The following NAV2 variants were observed in gnomAD, a reference collection of about 807,000 sequenced individuals.
The protein encoded by NAV2 is helicase, APC down-regulated 1.
Under a neutral mutation model 223.2 loss-of-function variants are expected in NAV2, and 54 were observed. The observed-to-expected ratio is 0.24, with a 90% CI of 0.19 to 0.30. The LOEUF (loss-of-function observed/expected upper bound fraction) is 0.30. Among genes scored for constraint, NAV2 ranks in the 10% least tolerant of loss-of-function variants. The pLI, the probability that NAV2 is intolerant of heterozygous loss-of-function variation, is 1.00. For synonymous variants in NAV2, 1,279 were observed against 1,239.3 expected (o/e 1.03, Z -0.67); for missense variants, 2,806 against 3,147.5 (o/e 0.89, Z 2.60).
At chr11:19,833,017 T>C (rs1321366856) in intron 2 of NAV2, among the ~76,000 whole-genome samples, 2 of 152,174 alleles carry the variant, frequency 1.3e-5, no homozygotes, top group African/African-American at 4.8e-5. Flanking sequence ...CAACTCTACT[T>C]GGGTCTGACA....
intron 1 of NAV2, among the ~76,000 whole-genome samples, chr11:19,566,203 TG>T (rs535135699): frequency 1.3e-5 from 2 of 152,160 alleles, no homozygotes; most frequent in South Asian, 4.2e-4. Context: ...TCTGAGTAGC[TG>T]GGACTACAGG....
At chr11:19,994,462 G>A (rs754046482) in intron 11 of NAV2, among the ~76,000 whole-genome samples, 8 of 151,818 alleles carry the variant, frequency 5.3e-5, no homozygotes, top group African/African-American at 7.3e-5. Context: ...CAGGAGAATC[G>A]CTTGAACCGG....
In NAV2 at chr11:20,055,808, C is replaced by T. The variant is rs766409324; in HGVS notation, c.4682C>T (p.Pro1561Leu). ...GTCACCCAGATGAGCTTGTCCAACC[C>T]GACCATGCTGAGGACTCACAGCCTC... ...TTVTQMSLSN[P>L]TMLRTHSLSN... The change falls in exon 19 of 38, where the codon CCG (proline) becomes CTG (leucine). Residue 1561 changes from proline to leucine, a missense_variant. By Grantham distance (98) the Pro-to-Leu change is moderately conservative. Transcript: ENST00000349880. 165 of 1,614,134 alleles carry T rather than the reference C, an allele frequency of 1.0e-4. No homozygotes were observed. The Middle Eastern group carries it at 1.5e-3, about 15-fold the overall frequency.
chr11:19,962,947 T>G lies in NAV2; in HGVS notation c.2645+13867T>G, dbSNP rs2048455943. Among the ~76,000 whole-genome samples the G allele has an allele frequency of 2.6e-5, 4 of 152,302 alleles. 1 individual carries two copies. In the South Asian group the frequency reaches 8.3e-4, roughly 32 times the overall value. Reference sequence around the variant, plus strand: ...GAGCTTTGTGCTTGTAATCATCCAGTCATCTGTTTCGAAATTAGAAAGCTC... The same window carrying G: ...GAGCTTTGTGCTTGTAATCATCCAGGCATCTGTTTCGAAATTAGAAAGCTC... On this transcript the variant is annotated intron_variant, in intron 10 of 37. Coordinates refer to ENST00000349880, the MANE Select transcript of NAV2 (RefSeq NM_145117.5).
intron 1 of NAV2, among the ~76,000 whole-genome samples, chr11:19,492,868 T>C (rs1173838196): frequency 6.6e-6 from 1 of 152,040 alleles, no homozygotes; most frequent in East Asian, 1.9e-4. Flanking sequence ...GGAGGAGAGG[T>C]TAGATGTGAC....
intron 1 of NAV2, among the ~76,000 whole-genome samples, chr11:19,816,024 C>T (rs1291480752): frequency 6.6e-6 from 1 of 152,072 alleles, no homozygotes; most frequent in Non-Finnish European, 1.5e-5. Context: ...GAGGAGACAC[C>T]CCTTCTTTCC....
chr11:19,771,595 C>T (rs183817896), intron 1 of NAV2, among the ~76,000 whole-genome samples: 4 of 151,840 alleles, frequency 2.6e-5, no homozygotes, highest in Non-Finnish European at 4.4e-5. Flanking sequence ...TCTGACCCCC[C>T]CCATTAGAAG....
intron 1 of NAV2, among the ~76,000 whole-genome samples, chr11:19,548,166 G>C (rs1158474464): frequency 2.0e-5 from 3 of 152,128 alleles, no homozygotes; most frequent in Non-Finnish European, 1.5e-5. Context: ...TCGGTAATGG[G>C]TATCTCCAAA....
At chr11:19,693,377 C>G (rs1214481198) in intron 1 of NAV2, among the ~76,000 whole-genome samples, 1 of 152,206 alleles carries the variant, frequency 6.6e-6, no homozygotes, top group Non-Finnish European at 1.5e-5. Flanking sequence ...ATTTCTGTCT[C>G]CAACCAGGAG....
intron 1 of NAV2, among the ~76,000 whole-genome samples, chr11:19,666,337 G>GA (rs1256752564): frequency 2.6e-5 from 4 of 152,228 alleles, no homozygotes; most frequent in Non-Finnish European, 5.9e-5. Context: ...GGATGGCATA[G>GA]AAAGGTCACA....
At chr11:19,614,727 C>T (rs560573474) in intron 1 of NAV2, among the ~76,000 whole-genome samples, 10 of 152,214 alleles carry the variant, frequency 6.6e-5, no homozygotes, top group South Asian at 2.1e-4. Flanking sequence ...CTGGTGGAGG[C>T]GTTTTCTCTG....
chr11:19,933,900 CAAG>C lies in NAV2; in HGVS notation c.1660_1662del (p.Lys554del), dbSNP rs749263500. On this transcript the variant is annotated inframe_deletion, in exon 7 of 38. Transcript: ENST00000349880. The surrounding 1 kb of genome is among the most constrained non-coding windows in gnomAD (Gnocchi z 4.3). ...CCAAAGGGGGGAAGCTCAACAGTGC[CAAG>C]AAGGAGCCCATGGCCCCTTCCCACA... 2 of 1,588,164 alleles carry C rather than the reference CAAG, an allele frequency of 1.3e-6. No homozygotes were observed. Among genetic ancestry groups the C allele is most frequent in the Admixed American group, 3.7e-5 (2 of 53,598 alleles).
At chr11:20,111,200 C>T (rs1308365846) in intron 36 of NAV2, among the ~76,000 whole-genome samples, 1 of 152,232 alleles carries the variant, frequency 6.6e-6, no homozygotes, top group Non-Finnish European at 1.5e-5. Context: ...CCCCCTGCAT[C>T]CCACAGTCAG....
intron 9 of NAV2, among the ~76,000 whole-genome samples, chr11:19,947,210 G>T (rs1346342585): frequency 6.6e-6 from 1 of 152,216 alleles, no homozygotes. Context: ...AAACCACAGG[G>T]CTTCCCCACT....
intron 1 of NAV2, among the ~76,000 whole-genome samples, chr11:19,770,201 C>T (rs1166337352): frequency 6.6e-6 from 1 of 152,162 alleles, no homozygotes; most frequent in African/African-American, 2.4e-5. Flanking sequence ...TCAACAATAG[C>T]TATCCATATT....
intron 1 of NAV2, among the ~76,000 whole-genome samples, chr11:19,638,902 A>T (rs2047579056): frequency 6.6e-6 from 1 of 152,224 alleles, no homozygotes; most frequent in African/African-American, 2.4e-5. Context: ...CTGAGGCAGG[A>T]GACTCGCTTG....
intron 10 of NAV2, among the ~76,000 whole-genome samples, chr11:19,964,647 C>A (rs1182416855): frequency 2.6e-5 from 4 of 151,726 alleles, no homozygotes; most frequent in East Asian, 1.9e-4. Flanking sequence ...AGGCATGTAC[C>A]ACCACACCCA....
At chr11:19,881,819 T>G (rs547717997) in intron 5 of NAV2, among the ~76,000 whole-genome samples, 96 of 152,320 alleles carry the variant, frequency 6.3e-4, no homozygotes, top group Non-Finnish European at 1.2e-3. Context: ...AATTTAGGTT[T>G]GGTTGATAGA....
At chr11:19,753,588 C>T (rs1269879884) in intron 1 of NAV2, among the ~76,000 whole-genome samples, 1 of 152,198 alleles carries the variant, frequency 6.6e-6, no homozygotes, top group South Asian at 2.1e-4. Context: ...TCAGACTATA[C>T]TGTATTTGTC....
Sources: gnomAD v4.1 joint callset for allele counts (sites outside exome capture counted in the v4.1 genomes callset) on GRCh38, gnomAD v4.1.1 for gene constraint, Gnocchi (gnomAD v3.1) non-coding constraint, MANE v1.5 for transcripts, NCBI Gene and HGNC (gene_info 2026-07-23, HGNC 2026-07-21) for gene names.